CADM2: variants seen among roughly 807,000 people sequenced by gnomAD.
CADM2 encodes the protein cell adhesion molecule 2.
A neutral mutation model predicts 49.8 loss-of-function variants in CADM2; 12 were observed. The observed-to-expected ratio is 0.24, with a 90% CI of 0.15 to 0.39. The LOEUF (loss-of-function observed/expected upper bound fraction) is 0.39. Ranked by LOEUF, CADM2 falls within the 10% of genes least tolerant of loss-of-function variation. The probability of loss-of-function intolerance (pLI) is 1.00; values close to 1 mark genes in which losing one functional copy is unlikely to be tolerated. For missense variants in CADM2, 378 were observed against 492.3 expected (o/e 0.77, Z 2.20); for synonymous variants, 214 against 175.4 (o/e 1.22, Z -1.74).
At chr3:85,540,694 T>C (rs1255055624) in intron 1 of CADM2, among the ~76,000 whole-genome samples, 1 of 152,194 alleles carries the variant, frequency 6.6e-6, no homozygotes, top group Non-Finnish European at 1.5e-5. Context: ...AAAGGCATTT[T>C]ATTGCAATAG....
chr3:84,959,861 G>A (rs2030285962), intron 1 of CADM2, among the ~76,000 whole-genome samples, 193 bp downstream of exon 1: 1 of 151,934 alleles, frequency 6.6e-6, no homozygotes, highest in South Asian at 2.1e-4. Context: ...CACTGGCTCA[G>A]CCCTGCCTTC....
chr3:85,727,270 T>A (rs2067741455), intron 2 of CADM2, among the ~76,000 whole-genome samples: 1 of 152,228 alleles, frequency 6.6e-6, no homozygotes, highest in Admixed American at 6.5e-5. Flanking sequence ...CAAAAGAAAT[T>A]TTTTTCTCTT....
chr3:85,400,213 G>T (rs1168379575), intron 1 of CADM2, among the ~76,000 whole-genome samples: 2 of 152,066 alleles, frequency 1.3e-5, no homozygotes, highest in East Asian at 1.9e-4. Flanking sequence ...TAATCATGTG[G>T]TTTTTGTCTT....
chr3:85,003,132 C>T (rs1462158196), intron 1 of CADM2, among the ~76,000 whole-genome samples: 1 of 152,084 alleles, frequency 6.6e-6, no homozygotes, highest in Non-Finnish European at 1.5e-5. Flanking sequence ...CAAGGATGCG[C>T]TTGTTATCCT....
intron 1 of CADM2, among the ~76,000 whole-genome samples, chr3:85,149,802 A>T (rs1037186221): frequency 6.6e-6 from 1 of 152,248 alleles, no homozygotes; most frequent in African/African-American, 2.4e-5. Context: ...ATTTAACACA[A>T]CTAGTTCAAA....
intron 1 of CADM2, among the ~76,000 whole-genome samples, chr3:85,697,272 C>A (rs1256821870): frequency 6.6e-6 from 1 of 151,720 alleles, no homozygotes; most frequent in Non-Finnish European, 1.5e-5. Context: ...ACATAATATT[C>A]CCAAATGCTA....
At chr3:85,809,969 C>T (rs904122080) in intron 3 of CADM2, among the ~76,000 whole-genome samples, 1 of 151,740 alleles carries the variant, frequency 6.6e-6, no homozygotes, top group Non-Finnish European at 1.5e-5. Flanking sequence ...GAATCGTGTT[C>T]CCCTTAGGAA....
intron 1 of CADM2, among the ~76,000 whole-genome samples, chr3:84,988,917 T>A (rs1400484585): frequency 6.6e-6 from 1 of 152,174 alleles, no homozygotes; most frequent in Non-Finnish European, 1.5e-5. Context: ...ATTTAAAAAA[T>A]TATTAATTTA....
intron 1 of CADM2, among the ~76,000 whole-genome samples, chr3:85,152,037 C>G (rs1197869054): frequency 1.3e-5 from 2 of 152,046 alleles, no homozygotes; most frequent in Non-Finnish European, 2.9e-5. Context: ...AAATTCTTAA[C>G]AATCCAAATT....
chr3:85,438,369 A>G (rs1473787658), intron 1 of CADM2, among the ~76,000 whole-genome samples: 1 of 152,008 alleles, frequency 6.6e-6, no homozygotes, highest in East Asian at 1.9e-4. Flanking sequence ...TGTTTGAAAA[A>G]AAAAAAACAC....
chr3:85,956,083 C>T (rs113710089), intron 7 of CADM2, among the ~76,000 whole-genome samples: 1,708 of 151,622 alleles, frequency 0.011, 36 homozygotes, highest in African/African-American at 0.037. Flanking sequence ...TAAAGAGAAA[C>T]GTTCTGGATG....
intron 3 of CADM2, among the ~76,000 whole-genome samples, chr3:85,873,163 G>A (rs1464862832): frequency 6.6e-6 from 1 of 152,100 alleles, no homozygotes; most frequent in Non-Finnish European, 1.5e-5. Flanking sequence ...TCTTTAAAGG[G>A]CCAACCTCTT....
At chr3:85,822,308 G>T (rs1290808064) in intron 3 of CADM2, among the ~76,000 whole-genome samples, 7 of 152,150 alleles carry the variant, frequency 4.6e-5, no homozygotes, top group Admixed American at 2.6e-4. Context: ...CCAGGGCCAG[G>T]TGCGGTGGCT....
At position 85,920,897 on chromosome 3, in the gene CADM2, C is replaced by T. The variant is rs1171878342; in HGVS notation, c.700+8354C>T. On this transcript the variant is annotated intron_variant, in intron 6 of 9. Transcript: ENST00000383699. Reference sequence around the variant, plus strand: ...ATATAAAATTAATATAACATACTCTCAAATTTCCTAATTAAGCTTATCATC... The same window carrying T: ...ATATAAAATTAATATAACATACTCTTAAATTTCCTAATTAAGCTTATCATC... Among the ~76,000 whole-genome samples, 4 of 151,330 alleles carry T rather than the reference C, an allele frequency of 2.6e-5. No individual in the cohort carries two copies. The East Asian group carries it at 5.8e-4, about 22-fold the overall frequency.
intron 3 of CADM2, among the ~76,000 whole-genome samples, chr3:85,826,276 C>T (rs916499583): frequency 6.6e-6 from 1 of 151,962 alleles, no homozygotes. Flanking sequence ...GCATCTGTTA[C>T]TCTTTAATTT....
At chr3:85,574,130 A>C (rs1162614594) in intron 1 of CADM2, among the ~76,000 whole-genome samples, 1 of 152,212 alleles carries the variant, frequency 6.6e-6, no homozygotes, top group Non-Finnish European at 1.5e-5. Context: ...ACATTTAAGC[A>C]AACACCATAT....
At chr3:85,818,362 C>T (rs919745951) in intron 3 of CADM2, among the ~76,000 whole-genome samples, 4 of 152,114 alleles carry the variant, frequency 2.6e-5, no homozygotes, top group African/African-American at 7.2e-5. Context: ...AGGGCTGCCT[C>T]TGAGTCTGTG....
intron 2 of CADM2, among the ~76,000 whole-genome samples, chr3:85,727,885 G>A (rs2067768998): frequency 6.6e-6 from 1 of 152,080 alleles, no homozygotes; most frequent in African/African-American, 2.4e-5. Context: ...CTAACTAAAG[G>A]TCTGGAAACA....
At chr3:85,349,143 A>T (rs9309975) in intron 1 of CADM2, among the ~76,000 whole-genome samples, 8 of 152,100 alleles carry the variant, frequency 5.3e-5, no homozygotes, top group Non-Finnish European at 1.2e-4. Flanking sequence ...GCCATCTTTT[A>T]TCTCCTATTC....
Sources: allele counts gnomAD v4.1 joint callset (sites outside exome capture counted in the v4.1 genomes callset), GRCh38; gene constraint gnomAD v4.1.1; transcripts MANE v1.5; gene names NCBI Gene and HGNC (gene_info 2026-07-23, HGNC 2026-07-21).